Variants in ZDHHC14 observed in about 807,000 individuals in gnomAD.
The protein encoded by ZDHHC14 is palmitoyltransferase ZDHHC14.
ZDHHC14 carries 16 observed loss-of-function variants against 47.7 expected under a neutral mutation model. The ratio of observed to expected loss-of-function variants is 0.34; its 90% confidence interval spans 0.23 to 0.51. The LOEUF (loss-of-function observed/expected upper bound fraction) is 0.51. Among genes scored for constraint, ZDHHC14 ranks in the 20% least tolerant of loss-of-function variants. ZDHHC14 has a pLI of 0.97. For missense variants in ZDHHC14, 515 were observed against 662.5 expected (o/e 0.78, Z 2.44); for synonymous variants, 293 against 278.9 (o/e 1.05, Z -0.50).
chr6:157,503,830 C>A (rs1252381230), intron 1 of ZDHHC14, among the ~76,000 whole-genome samples: 1 of 152,114 alleles, frequency 6.6e-6, no homozygotes, highest in Non-Finnish European at 1.5e-5. Flanking sequence ...CAAGCGTTGG[C>A]AATGATGCGT....
intron 1 of ZDHHC14, among the ~76,000 whole-genome samples, chr6:157,479,285 A>T (rs1476740003): frequency 6.6e-6 from 1 of 152,284 alleles, no homozygotes; most frequent in Admixed American, 6.5e-5. Flanking sequence ...TAAATGTCTT[A>T]GAACTGTGAT....
intron 3 of ZDHHC14, among the ~76,000 whole-genome samples, chr6:157,617,928 C>T (rs907453392): frequency 2.6e-5 from 4 of 152,146 alleles, no homozygotes; most frequent in East Asian, 1.9e-4. Context: ...GAATGAATAT[C>T]GAAAACCAGA....
At chr6:157,614,061 A>G (rs553813046) in intron 3 of ZDHHC14, among the ~76,000 whole-genome samples, 4 of 152,348 alleles carry the variant, frequency 2.6e-5, no homozygotes, top group African/African-American at 7.2e-5. Context: ...CCCAGGCTAG[A>G]AAATGGCAGC....
chr6:157,597,117 G>C (rs989515981), intron 3 of ZDHHC14, among the ~76,000 whole-genome samples: 2 of 152,016 alleles, frequency 1.3e-5, no homozygotes, highest in African/African-American at 2.4e-5. Flanking sequence ...GCAGCATTTC[G>C]GGTTGTTTAT....
At chr6:157,518,629 C>A (rs554980425) in intron 1 of ZDHHC14, among the ~76,000 whole-genome samples, 2 of 149,816 alleles carry the variant, frequency 1.3e-5, no homozygotes, top group African/African-American at 4.9e-5. Flanking sequence ...CTGTCCCCGC[C>A]TTTCCCACCC....
chr6:157,504,341 T>C (rs1232347845), intron 1 of ZDHHC14, among the ~76,000 whole-genome samples: 2 of 147,216 alleles, frequency 1.4e-5, no homozygotes, highest in East Asian at 2.0e-4. Context: ...TTTTTTTTTT[T>C]AGTAGAGACG....
At chr6:157,387,598 A>G (rs1358877212) in intron 1 of ZDHHC14, among the ~76,000 whole-genome samples, 1 of 152,340 alleles carries the variant, frequency 6.6e-6, no homozygotes, top group Middle Eastern at 3.4e-3. Context: ...AACATAGTAC[A>G]TGGAGCCAAG....
chr6:157,458,871 T>TTTTTTTTTTTTTTTTTTTTTTTG (rs1491563247), intron 1 of ZDHHC14, among the ~76,000 whole-genome samples: 1 of 115,226 alleles, frequency 8.7e-6, no homozygotes, highest in Non-Finnish European at 2.0e-5. Context: ...TTTTTTTTTT[T>TTTTTTTTTTTTTTTTTTTTTTTG]GAGACGGAGT....
chr6:157,442,179 C>A (rs1000676358), intron 1 of ZDHHC14, among the ~76,000 whole-genome samples: 9 of 151,986 alleles, frequency 5.9e-5, no homozygotes, highest in African/African-American at 2.2e-4. Flanking sequence ...ATCCCTGGAA[C>A]CCAGGAGTTT....
chr6:157,417,735 C>T (rs1387897802), intron 1 of ZDHHC14, among the ~76,000 whole-genome samples: 1 of 152,216 alleles, frequency 6.6e-6, no homozygotes, highest in African/African-American at 2.4e-5. Flanking sequence ...AATCCCAGCA[C>T]TTTGGGAGGC....
At chr6:157,610,343 A>G (rs967485806) in intron 3 of ZDHHC14, among the ~76,000 whole-genome samples, 3 of 152,144 alleles carry the variant, frequency 2.0e-5, no homozygotes, top group Non-Finnish European at 4.4e-5. Flanking sequence ...GAGGCAGGAG[A>G]ATAGCGTGAA....
At chr6:157,526,394 C>A (rs1781152107) in intron 1 of ZDHHC14, among the ~76,000 whole-genome samples, 1 of 152,102 alleles carries the variant, frequency 6.6e-6, no homozygotes, top group Non-Finnish European at 1.5e-5. Context: ...TCCCACAACA[C>A]CACGACCCTC....
intron 3 of ZDHHC14, among the ~76,000 whole-genome samples, chr6:157,605,049 T>C (rs940604568): frequency 2.0e-5 from 3 of 152,372 alleles, no homozygotes; most frequent in South Asian, 4.1e-4. Flanking sequence ...AATAAACGTT[T>C]CACCAAATTC....
At chr6:157,618,702 G>T (rs144322901) in intron 3 of ZDHHC14, among the ~76,000 whole-genome samples, 4,956 of 152,120 alleles carry the variant, frequency 0.033, 295 homozygotes, top group African/African-American at 0.11. Context: ...TCTCCAGTGG[G>T]CTCTTATTCC....
At chr6:157,519,650 C>CGGG (rs904178526) in intron 1 of ZDHHC14, among the ~76,000 whole-genome samples, 6 of 152,194 alleles carry the variant, frequency 3.9e-5, no homozygotes, top group African/African-American at 1.2e-4. Flanking sequence ...GCCTTGGAGC[C>CGGG]GGGGTCTTAG....
chr6:157,449,225 A>G (rs1377498297), intron 1 of ZDHHC14, among the ~76,000 whole-genome samples: 3 of 152,222 alleles, frequency 2.0e-5, no homozygotes, highest in Non-Finnish European at 4.4e-5. Context: ...ACCTCAGTCC[A>G]TGAAAAGATT....
chr6:157,393,400 G>A (rs145220773), intron 1 of ZDHHC14, among the ~76,000 whole-genome samples: 1,773 of 152,252 alleles, frequency 0.012, 15 homozygotes, highest in Non-Finnish European at 0.016. Flanking sequence ...GAGGAATGGC[G>A]ATCTAACCCA....
chr6:157,469,883 C>G (rs1779313726), intron 1 of ZDHHC14, among the ~76,000 whole-genome samples: 1 of 152,240 alleles, frequency 6.6e-6, no homozygotes, highest in Non-Finnish European at 1.5e-5. Context: ...GTGTCCCTCC[C>G]TGCCCTCTGT....
intron 8 of ZDHHC14, among the ~76,000 whole-genome samples, chr6:157,669,695 T>A (rs1020823511): frequency 6.6e-6 from 1 of 152,248 alleles, no homozygotes; most frequent in African/African-American, 2.4e-5. Flanking sequence ...CAGGGGGTAT[T>A]GTGTGGACAG....
Sources: gnomAD v4.1 joint callset for allele counts (sites outside exome capture counted in the v4.1 genomes callset) on GRCh38, gnomAD v4.1.1 for gene constraint, MANE v1.5 for transcripts, NCBI Gene and HGNC (gene_info 2026-07-23, HGNC 2026-07-21) for gene names.